SGCE: variants seen among roughly 807,000 people sequenced by gnomAD.
The protein encoded by SGCE is sarcoglycan epsilon, also known as epsilon-sarcoglycan.
Under a neutral mutation model 57.8 loss-of-function variants are expected in SGCE, and 26 were observed. The ratio of observed to expected loss-of-function variants is 0.45; its 90% CI spans 0.33 to 0.62. The LOEUF (loss-of-function observed/expected upper bound fraction) is 0.62, where lower values mean the gene tolerates loss of function less well. Among genes scored for constraint, SGCE ranks in the 20% least tolerant of loss-of-function variants. The probability of loss-of-function intolerance (pLI) is 0.02; values close to 1 mark genes in which losing one functional copy is unlikely to be tolerated. For missense variants in SGCE, 468 were observed against 548.6 expected (o/e 0.85, Z 1.47); for synonymous variants, 183 against 189.5 (o/e 0.97, Z 0.28).
chr7:94,589,017 A>T (rs555624760), intron 9 of SGCE: 12 of 420,942 alleles, frequency 2.9e-5, no homozygotes, highest in African/African-American at 1.6e-4. Flanking sequence ...TTCCCATTTT[A>T]TGGGTGAAGA....
chr7:94,624,391 A>G, intron 3 of SGCE: 1 of 394,194 alleles, frequency 2.5e-6, no homozygotes, highest in Non-Finnish European at 4.5e-6. Flanking sequence ...TTAGAACAGT[A>G]AGAATTTTGA....
At chr7:94,614,542 C>T (rs1225665584) in intron 5 of SGCE, among the ~76,000 whole-genome samples, 3 of 152,194 alleles carry the variant, frequency 2.0e-5, no homozygotes, top group African/African-American at 4.8e-5. Context: ...ACTATGCTCT[C>T]TCCTACCTTC....
intron 1 of SGCE, chr7:94,644,605 C>G (rs1806811375): frequency 7.9e-7 from 1 of 1,266,282 alleles, no homozygotes; most frequent in Non-Finnish European, 1.0e-6. Context: ...ATCATACTCA[C>G]CTTAAAAGCA....
At chr7:94,614,751 G>C (rs537128569) in intron 5 of SGCE, among the ~76,000 whole-genome samples, 1 of 152,068 alleles carries the variant, frequency 6.6e-6, no homozygotes. Context: ...TTAATTATCT[G>C]ATTATTTGCC....
intron 9 of SGCE, among the ~76,000 whole-genome samples, chr7:94,591,523 C>T (rs1002235142): frequency 1.3e-4 from 20 of 152,160 alleles, no homozygotes; most frequent in Admixed American, 1.0e-3. Flanking sequence ...GGTGTTCTAA[C>T]ATAGGTAGTG....
At chr7:94,645,896 A>G (rs1360589016) in intron 1 of SGCE, among the ~76,000 whole-genome samples, 1 of 152,206 alleles carries the variant, frequency 6.6e-6, no homozygotes, top group Non-Finnish European at 1.5e-5. Flanking sequence ...ATATCTTCAA[A>G]TGAAAAAAAA....
chr7:94,644,015 A>C (rs1249653309), intron 1 of SGCE, among the ~76,000 whole-genome samples: 2 of 152,206 alleles, frequency 1.3e-5, no homozygotes, highest in African/African-American at 4.8e-5. Context: ...GAATCTTAAA[A>C]GGAAGAGAAC....
intron 5 of SGCE, among the ~76,000 whole-genome samples, chr7:94,614,372 A>G (rs528394451): frequency 1.3e-5 from 2 of 152,244 alleles, no homozygotes; most frequent in African/African-American, 4.8e-5. Context: ...TGATCTCTCT[A>G]AAACAAAAAT....
At position 94,585,487 on chromosome 7, in the gene SGCE, A is replaced by C. The variant is rs757047752; in HGVS notation, c.*12T>G. 1.2e-6 allele frequency: 2 copies of C among 1,606,994 alleles called. No homozygotes were observed. Among genetic ancestry groups the C allele is most frequent in the Admixed American group, 3.3e-5 (2 of 60,018 alleles). ...TGATTATAAATTCATTGCTTCAGTC[A>C]GTTTTCTTTCTTCAGGGATACCATT... On this transcript the variant is annotated 3_prime_UTR_variant, in exon 11 of 11. Coordinates refer to ENST00000648936, the MANE Select transcript of SGCE (RefSeq NM_003919.3).
At chr7:94,640,145 C>T (rs1806171079) in intron 1 of SGCE, among the ~76,000 whole-genome samples, 1 of 151,874 alleles carries the variant, frequency 6.6e-6, no homozygotes, top group Admixed American at 6.6e-5. Context: ...ACTTTAGGAA[C>T]CTCAGAAAAG....
intron 6 of SGCE, among the ~76,000 whole-genome samples, chr7:94,601,189 A>G (rs546810185): frequency 9.2e-5 from 14 of 152,186 alleles, no homozygotes; most frequent in East Asian, 5.8e-4. Context: ...CCTTTACACT[A>G]CCATGTAAAT....
chr7:94,598,458 G>A (rs1335639994), intron 9 of SGCE: 1 of 310,274 alleles, frequency 3.2e-6, no homozygotes, highest in African/African-American at 2.2e-5. Context: ...GAAATGCTTA[G>A]GATATGGTTC....
At chr7:94,607,837 G>A (rs1379709566) in intron 5 of SGCE, among the ~76,000 whole-genome samples, 1 of 152,170 alleles carries the variant, frequency 6.6e-6, no homozygotes, top group Non-Finnish European at 1.5e-5. Context: ...ATTAAATACT[G>A]TCTTTCTTTG....
chr7:94,653,957 CGAG>C (rs1476982868), intron 1 of SGCE, among the ~76,000 whole-genome samples: 4 of 151,918 alleles, frequency 2.6e-5, no homozygotes, highest in African/African-American at 9.7e-5. Flanking sequence ...AGAAAATAAT[CGAG>C]GAGAATTAAT....
At chr7:94,648,932 C>A (rs1807503378) in intron 1 of SGCE, among the ~76,000 whole-genome samples, 1 of 152,190 alleles carries the variant, frequency 6.6e-6, no homozygotes, top group African/African-American at 2.4e-5. Context: ...CCCAAATCTC[C>A]ATAATAATCA....
chr7:94,631,895 C>A lies in SGCE; in HGVS notation c.110-2054G>T, dbSNP rs12234469. On this transcript the variant is annotated intron_variant, in intron 1 of 10. Transcript: ENST00000648936. ...AGTTTATCTAATTATCTAATTCATT[C>A]TTTCTAGAGATTAAAAATACCTTGA... Among the ~76,000 whole-genome samples the A allele has an allele frequency of 2.7e-3, 416 of 152,064 alleles. 6 individuals are homozygous for A. The East Asian group carries it at 0.033, about 12-fold the overall frequency.
chr7:94,603,604 C>T, intron 5 of SGCE, 152 bp from the exon 6 acceptor site: 1 of 688,654 alleles, frequency 1.5e-6, no homozygotes, highest in Non-Finnish European at 2.5e-6. Context: ...AACAATGATT[C>T]ATGTAGGGGC....
intron 8 of SGCE, 101 bp downstream of exon 8, chr7:94,599,596 T>C (rs1218412314): frequency 9.9e-6 from 9 of 909,638 alleles, no homozygotes; most frequent in Non-Finnish European, 5.4e-6. Context: ...CTATGAAAGA[T>C]GACAAATGAA....
At chr7:94,625,951 A>G (rs1426989391) in intron 3 of SGCE, 1 of 152,078 alleles carries the variant, frequency 6.6e-6, no homozygotes, top group Non-Finnish European at 1.5e-5. Flanking sequence ...AGGGATACTC[A>G]ACTGTATGAG....
Sources: gnomAD v4.1 joint callset for allele counts (sites outside exome capture counted in the v4.1 genomes callset) on GRCh38, gnomAD v4.1.1 for gene constraint, MANE v1.5 for transcripts, NCBI Gene and HGNC (gene_info 2026-07-23, HGNC 2026-07-21) for gene names.